The following ALDH3A2 variants were observed in gnomAD, a reference collection of about 807,000 sequenced individuals.
ALDH3A2 encodes aldehyde dehydrogenase family 3 member A2.
Under a neutral mutation model 51.3 loss-of-function variants are expected in ALDH3A2, and 36 were observed. That is an observed-to-expected ratio of 0.70 (90% CI 0.54 to 0.93). The LOEUF is 0.93. Among genes scored for constraint, ALDH3A2 ranks in the 40% least tolerant of loss-of-function variants. The probability of loss-of-function intolerance (pLI) is 0.00; values close to 1 mark genes in which losing one functional copy is unlikely to be tolerated. For missense variants in ALDH3A2, 552 were observed against 603.1 expected, an observed-to-expected ratio of 0.92 and a Z score of 0.89; for synonymous variants, 199 against 219.8, an observed-to-expected ratio of 0.91 and a Z score of 0.84.
At chr17:19,668,373 A>G (rs1175024624) in intron 8 of ALDH3A2, among the ~76,000 whole-genome samples, 3 of 151,868 alleles carry the variant, frequency 2.0e-5, no homozygotes, top group Non-Finnish European at 2.9e-5. Context: ...CCAACCTCCC[A>G]AGTAGCTGGG....
chr17:19,660,865 C>CT (rs1466946080), intron 5 of ALDH3A2, among the ~76,000 whole-genome samples: 4 of 152,154 alleles, frequency 2.6e-5, no homozygotes, highest in Admixed American at 1.3e-4. Context: ...TGGGTGGACT[C>CT]TAAGAGATCC....
chr17:19,662,471 C>T (rs1389610683), intron 6 of ALDH3A2, among the ~76,000 whole-genome samples: 2 of 152,256 alleles, frequency 1.3e-5, no homozygotes, highest in East Asian at 3.9e-4. Flanking sequence ...GATGACTTCT[C>T]TTTTGGTTGA....
chr17:19,673,123 G>T (rs2085140448), intron 9 of ALDH3A2: 1 of 1,614,000 alleles, frequency 6.2e-7, no homozygotes, highest in Non-Finnish European at 8.5e-7. Flanking sequence ...GATACCAGTT[G>T]CATTTGAAAT....
At chr17:19,675,385 A>G in intron 9 of ALDH3A2, 173 bp from the exon 10 acceptor site, 1 of 702,306 alleles carries the variant, frequency 1.4e-6, no homozygotes, top group East Asian at 2.5e-5. Flanking sequence ...CTTTGGCCTA[A>G]ACCGTGCTTC....
At chr17:19,675,468 A>T in intron 9 of ALDH3A2, 90 bp from the exon 10 acceptor site, 2 of 1,285,494 alleles carry the variant, frequency 1.6e-6, no homozygotes, top group Non-Finnish European at 2.3e-6. Context: ...GAGGTGTCTG[A>T]GTCCCAGTGC....
At chr17:19,662,518 C>T (rs1363787820) in intron 6 of ALDH3A2, among the ~76,000 whole-genome samples, 1 of 152,142 alleles carries the variant, frequency 6.6e-6, no homozygotes, top group East Asian at 1.9e-4. Flanking sequence ...TTTTGGAGTA[C>T]TGCTAGTTGG....
chr17:19,648,669 G>A, upstream of ALDH3A2: 1 of 468,608 alleles, frequency 2.1e-6, no homozygotes, highest in East Asian at 4.1e-5. Flanking sequence ...GGAGAGGGCG[G>A]GGGCCGCGTG....
At chr17:19,660,363 C>T (rs2084951034) in intron 5 of ALDH3A2, among the ~76,000 whole-genome samples, 1 of 151,876 alleles carries the variant, frequency 6.6e-6, no homozygotes, top group Non-Finnish European at 1.5e-5. Context: ...CAAGCTGCAC[C>T]AGTGATTCCG....
chr17:19,664,855 C>T (rs929141468), intron 7 of ALDH3A2, 93 bp from the exon 8 acceptor site: 8 of 871,782 alleles, frequency 9.2e-6, no homozygotes, highest in Admixed American at 1.8e-5. Flanking sequence ...GCTTTGAGCA[C>T]ATAACTGAGC....
chr17:19,667,896 T>C (rs189225416), intron 8 of ALDH3A2, among the ~76,000 whole-genome samples: 1 of 152,208 alleles, frequency 6.6e-6, no homozygotes, highest in Non-Finnish European at 1.5e-5. Flanking sequence ...TTAAGACTTT[T>C]GATAGATATT....
At chr17:19,665,644 G>A (rs1462258636) in intron 8 of ALDH3A2, among the ~76,000 whole-genome samples, 1 of 152,118 alleles carries the variant, frequency 6.6e-6, no homozygotes, top group East Asian at 1.9e-4. Flanking sequence ...AAGCTTTGTG[G>A]ACATAGCCTG....
In ALDH3A2 at chr17:19,649,059, C is replaced by T. The variant is rs1300783348; in HGVS notation, c.88C>T (p.Leu30=). Residue 30 remains leucine (L), a synonymous_variant, in exon 1 of 10, where the codon CTG becomes TTG. Coordinates refer to ENST00000176643, the MANE Select transcript of ALDH3A2 (RefSeq NM_000382.3). The part of the protein sequence containing the change: ...LRFRLQQLEA[L]RRMVQEREKD... ...GTTTCGGCTGCAGCAGCTGGAGGCC[C>T]TGCGGAGGATGGTGCAGGAGCGCGA... 2 of 1,584,448 alleles carry T rather than the reference C, an allele frequency of 1.3e-6. No individual in the cohort carries two copies. The highest frequency in any genetic ancestry group is 1.3e-5 in the African/African-American group (1 of 74,460).
intron 8 of ALDH3A2, among the ~76,000 whole-genome samples, chr17:19,669,612 C>T (rs2085085044): frequency 6.6e-6 from 1 of 152,008 alleles, no homozygotes; most frequent in African/African-American, 2.4e-5. Context: ...CCAGGTACTG[C>T]GGTTGAATCC....
In ALDH3A2 at chr17:19,675,998, T is replaced by C. The variant is rs983132538; in HGVS notation, c.*426T>C. On this transcript the variant is annotated 3_prime_UTR_variant, in exon 10 of 10. Coordinates refer to ENST00000176643, the MANE Select transcript of ALDH3A2 (RefSeq NM_000382.3). ...TACTTCCCAGGGCTACCGGCAGTCC[T>C]CTGTAGTCCAGAGAGGTGAGATTAG... The C allele has an allele frequency of 5.0e-5, 12 of 241,446 alleles. 1 individual carries two copies. The highest frequency in any genetic ancestry group is 1.6e-4 in the South Asian group (3 of 18,246). The allele number at this position is 241,446 out of a possible 1,614,324, so 15.0% of individuals were successfully genotyped here.
chr17:19,651,432 G>A (rs1468442261), intron 1 of ALDH3A2, 115 bp from the exon 2 acceptor site: 1 of 887,546 alleles, frequency 1.1e-6, no homozygotes, highest in Admixed American at 1.8e-5. Flanking sequence ...CAAACAGCTA[G>A]TCTGATAATG....
chr17:19,648,667 C>G (rs1045718824), upstream of ALDH3A2: 10 of 462,410 alleles, frequency 2.2e-5, no homozygotes, highest in African/African-American at 1.8e-4. Flanking sequence ...GGGGAGAGGG[C>G]GGGGGCCGCG....
intron 8 of ALDH3A2, among the ~76,000 whole-genome samples, chr17:19,665,877 C>T (rs1405449123): frequency 7.2e-5 from 11 of 152,300 alleles, no homozygotes; most frequent in African/African-American, 7.2e-5. Flanking sequence ...TTTGTAATAC[C>T]GTCCTAAGTC....
intron 5 of ALDH3A2, among the ~76,000 whole-genome samples, chr17:19,660,419 A>G (rs915662304): frequency 3.3e-5 from 5 of 152,108 alleles, no homozygotes; most frequent in African/African-American, 1.2e-4. Context: ...TGGATGAACA[A>G]TGTTCATTTT....
rs1400349287 is a variant in ALDH3A2, at chr17:19,657,731, T to A, written c.681-14T>A. 2 of 1,549,282 alleles carry A rather than the reference T, an allele frequency of 1.3e-6. No individual in the cohort carries two copies. Among genetic ancestry groups the A allele is most frequent in the Non-Finnish European group, 1.8e-6 (2 of 1,121,202 alleles). On this transcript the variant is annotated splice_polypyrimidine_tract_variant and intron_variant, in intron 4 of 9. Coordinates refer to ENST00000176643, the MANE Select transcript of ALDH3A2 (RefSeq NM_000382.3). Reference sequence around the variant, plus strand: ...TACTGAATTATATAGCTGTTCTGGATGTTTTCCCCTCAGACGCATAACCTG... The same window carrying A: ...TACTGAATTATATAGCTGTTCTGGAAGTTTTCCCCTCAGACGCATAACCTG...
Sources: allele counts gnomAD v4.1 joint callset (sites outside exome capture counted in the v4.1 genomes callset), GRCh38; gene constraint gnomAD v4.1.1; transcripts MANE v1.5; gene names NCBI Gene and HGNC (gene_info 2026-07-23, HGNC 2026-07-21).